Variants in BRIP1 observed in about 807,000 individuals in gnomAD.
BRIP1 encodes Fanconi anemia group J protein.
BRIP1 carries 88 observed loss-of-function variants against 119.7 expected under a neutral mutation model. The ratio of observed to expected loss-of-function variants is 0.74; its 90% CI spans 0.62 to 0.88. BRIP1 has a LOEUF of 0.88. BRIP1 is among the 40% of genes least tolerant of loss of function. The pLI is 0.00. For synonymous variants in BRIP1, 443 were observed against 496.5 expected, an observed-to-expected ratio of 0.89 and a Z score of 1.43; for missense variants, 1,259 against 1,455.4, an observed-to-expected ratio of 0.87 and a Z score of 2.20.
At position 61,754,848 on chromosome 17, in the gene BRIP1, C is replaced by T. The variant is rs939947910; in HGVS notation, c.2098-10257G>A. ...TCTGGTGTCTCTTCTTATAAGAACACTAATCCTATCAGATAAGGAAGGCCC... is the reference window on the plus strand; with the variant it reads ...TCTGGTGTCTCTTCTTATAAGAACATTAATCCTATCAGATAAGGAAGGCCC... On this transcript the variant is annotated intron_variant, in intron 14 of 19. Coordinates refer to ENST00000259008, the MANE Select transcript of BRIP1 (RefSeq NM_032043.3). This position sits in a 1 kb window ranked among gnomAD's most constrained non-coding sequence, Gnocchi z 4.1. Among the ~76,000 whole-genome samples the T allele has an allele frequency of 1.3e-5, 2 of 152,142 alleles. No homozygotes were observed. Among genetic ancestry groups the T allele is most frequent in the Non-Finnish European group, 2.9e-5 (2 of 68,026 alleles).
intron 10 of BRIP1, among the ~76,000 whole-genome samples, chr17:61,784,728 G>T (rs985906498): frequency 6.6e-6 from 1 of 152,090 alleles, no homozygotes; most frequent in Non-Finnish European, 1.5e-5. Flanking sequence ...CTGGTTGTTA[G>T]AAAGAGCCTG....
At chr17:61,833,292 A>G (rs1025901765) in intron 6 of BRIP1, among the ~76,000 whole-genome samples, 10 of 152,330 alleles carry the variant, frequency 6.6e-5, no homozygotes, top group Admixed American at 3.9e-4. Context: ...AGTTCACTCA[A>G]TATGATAAAG....
rs532683816 is a variant in BRIP1 at position 61,716,086 on chromosome 17, A to T, written c.2380-23T>A. The T allele has an allele frequency of 1.6e-4, 211 of 1,354,378 alleles. No homozygotes were observed. Among genetic ancestry groups the T allele is most frequent in the Admixed American group, 8.5e-4 (45 of 53,094 alleles). 83.9% of individuals were successfully genotyped at this position (1,354,378 alleles called of 1,614,324 possible). Reference sequence around the variant, plus strand: ...AACCTAATAATTTTAAAATATATTTAAAAAATTAGTAGATAATTAAAGCTC... The same window carrying T: ...AACCTAATAATTTTAAAATATATTTTAAAAATTAGTAGATAATTAAAGCTC... On this transcript the variant is annotated intron_variant, in intron 16 of 19. Coordinates refer to ENST00000259008, the MANE Select transcript of BRIP1 (RefSeq NM_032043.3).
At position 61,732,851 on chromosome 17, in the gene BRIP1, C is replaced by T. The variant is rs550613623; in HGVS notation, c.2379+10162G>A. 6.6e-5 allele frequency among the ~76,000 whole-genome samples: 10 copies of T among 152,080 alleles called. No homozygotes were observed. The East Asian group carries it at 1.9e-3, about 30-fold the overall frequency. On this transcript the variant is annotated intron_variant, in intron 16 of 19. Coordinates refer to ENST00000259008, the MANE Select transcript of BRIP1 (RefSeq NM_032043.3). Reference sequence around the variant, plus strand: ...GAATTACAGACGTGTGCCACCACACCGGGGCTAATTTTTTGTGTTTTTAGT... The same window carrying T: ...GAATTACAGACGTGTGCCACCACACTGGGGCTAATTTTTTGTGTTTTTAGT...
Position 61,774,334 on chromosome 17 carries a change from G to C in BRIP1, c.2097+2067C>G, listed in dbSNP as rs1048824501. Among the ~76,000 whole-genome samples the C allele has an allele frequency of 6.6e-6, 1 of 152,082 alleles. No individual in the cohort carries two copies. Among genetic ancestry groups the C allele is most frequent in the Non-Finnish European group, 1.5e-5 (1 of 68,024 alleles). On this transcript the variant is annotated intron_variant, in intron 14 of 19. Coordinates refer to ENST00000259008, the MANE Select transcript of BRIP1 (RefSeq NM_032043.3). The surrounding 1 kb of genome is among the most constrained non-coding windows in gnomAD (Gnocchi z 5.8). The stretch of plus-strand genomic sequence containing the variant: ...ATCATTCTCAGCAAACTATCACAAA[G>C]ACAGAAAACCAAACACCGCATGTTC...
rs781622986 is a variant in BRIP1, at chr17:61,684,107, G to A, written c.2939C>T (p.Ala980Val). 1 of 1,613,260 alleles carries A rather than the reference G, an allele frequency of 6.2e-7. No individual in the cohort carries two copies. The highest frequency in any genetic ancestry group is 1.1e-5 in the South Asian group (1 of 90,822). ...GGATCTGGAAATCACAATTTTTTCT[G>A]CTTTCCCTGCTTCTTCCAGGAATAC... is the stretch of plus-strand genomic sequence containing the variant. ...DPVFLEEAGK[A>V]EKIVISRSTS... The change falls in exon 20 of 20, where the codon GCA (alanine) becomes GTA (valine). Residue 980 changes from alanine (A) to valine (V), a missense_variant. Ala to Val is a moderately conservative substitution (Grantham distance 64, BLOSUM62 0). This residue lies in a region of BRIP1 where 753 missense variants were observed against 891.8 expected (regional missense o/e 0.84). Coordinates refer to ENST00000259008, the MANE Select transcript of BRIP1 (RefSeq NM_032043.3). This position sits in a 1 kb window ranked among gnomAD's most constrained non-coding sequence, Gnocchi z 4.5.
Position 61,762,261 on chromosome 17 carries a change from A to C in BRIP1, c.2097+14140T>G, listed in dbSNP as rs1014023809. Among the ~76,000 whole-genome samples the C allele has an allele frequency of 1.3e-5, 2 of 152,142 alleles. No individual in the cohort carries two copies. Among genetic ancestry groups the C allele is most frequent in the Non-Finnish European group, 2.9e-5 (2 of 68,016 alleles). ...TAAAAAAAAACTCAAAATGAATTAAAGATTTAAACCCAAGAACTGAAACTG... is the reference window on the plus strand; with the variant it reads ...TAAAAAAAAACTCAAAATGAATTAACGATTTAAACCCAAGAACTGAAACTG... On this transcript the variant is annotated intron_variant, in intron 14 of 19. Transcript: ENST00000259008. The surrounding 1 kb of genome is among the most constrained non-coding windows in gnomAD (Gnocchi z 4.3).
intron 16 of BRIP1, among the ~76,000 whole-genome samples, chr17:61,716,559 T>C (rs936760585): frequency 4.6e-5 from 7 of 152,118 alleles, no homozygotes; most frequent in African/African-American, 1.7e-4. Context: ...AATATACTTT[T>C]AGAATTCATT....
rs1427442996 is a variant in BRIP1, at chr17:61,861,403, G to A, written c.93+44C>T. On this transcript the variant is annotated intron_variant, in intron 2 of 19. Transcript: ENST00000259008. The surrounding 1 kb of genome is among the most constrained non-coding windows in gnomAD (Gnocchi z 4.5). Reference sequence around the variant, plus strand: ...ACTCAATGTACTTTATGGGTCATAAGTATCTATATCTTAATAAAAACTTAA... The same window carrying A: ...ACTCAATGTACTTTATGGGTCATAAATATCTATATCTTAATAAAAACTTAA... 8.0e-7 allele frequency: 1 copy of A among 1,242,716 alleles called. No homozygotes were observed. Among genetic ancestry groups the A allele is most frequent in the East Asian group, 2.3e-5 (1 of 43,010 alleles). 77.0% of individuals were successfully genotyped at this position (1,242,716 alleles called of 1,614,324 possible).
chr17:61,782,108 G>A (rs1488871061), intron 11 of BRIP1, among the ~76,000 whole-genome samples: 1 of 151,364 alleles, frequency 6.6e-6, no homozygotes, highest in Admixed American at 6.6e-5. Flanking sequence ...AGGGGAGACC[G>A]GGTGCGATGG....
Position 61,809,262 on chromosome 17 carries a change from TAAC to T in BRIP1, c.628-508_628-506del, listed in dbSNP as rs1477098775. Among the ~76,000 whole-genome samples, 10 of 152,276 alleles carry T rather than the reference TAAC, an allele frequency of 6.6e-5. No homozygotes were observed. Among genetic ancestry groups the T allele is most frequent in the African/African-American group, 2.4e-4 (10 of 41,570 alleles). On this transcript the variant is annotated intron_variant, in intron 6 of 19. Coordinates refer to ENST00000259008, the MANE Select transcript of BRIP1 (RefSeq NM_032043.3). The surrounding 1 kb of genome is among the most constrained non-coding windows in gnomAD (Gnocchi z 5.2). ...ATCAAGTTGAATCTAAAGGATCACT[TAAC>T]AACTTCAAAAAGAGAAAATTCTTCT...
At position 61,693,556 on chromosome 17, in the gene BRIP1, A is replaced by G. The variant is rs752903716; in HGVS notation, c.2493-44T>C. The stretch of plus-strand genomic sequence containing the variant: ...AAGTCAAATAATTATAACATCGGAA[A>G]TAAATCCAGTTTTCCAGTGGGACAG... On this transcript the variant is annotated intron_variant, in intron 17 of 19. Coordinates refer to ENST00000259008, the MANE Select transcript of BRIP1 (RefSeq NM_032043.3). The surrounding 1 kb of genome is among the most constrained non-coding windows in gnomAD (Gnocchi z 4.2). The G allele has an allele frequency of 9.9e-6, 15 of 1,515,692 alleles. No individual in the cohort carries two copies. Among genetic ancestry groups the G allele is most frequent in the Non-Finnish European group, 1.2e-5 (13 of 1,091,670 alleles). 93.9% of individuals were successfully genotyped at this position (1,515,692 alleles called of 1,614,324 possible).
At position 61,809,240 on chromosome 17, in the gene BRIP1, A is replaced by C. The variant is rs1267788112; in HGVS notation, c.628-483T>G. 1.3e-5 allele frequency among the ~76,000 whole-genome samples: 2 copies of C among 152,204 alleles called. No individual in the cohort carries two copies. The highest frequency in any genetic ancestry group is 4.8e-5 in the African/African-American group (2 of 41,470). ...TAGTTTACAAAAGAATAGAATTATC[A>C]AGTTGAATCTAAAGGATCACTTAAC... On this transcript the variant is annotated intron_variant, in intron 6 of 19. Coordinates refer to ENST00000259008, the MANE Select transcript of BRIP1 (RefSeq NM_032043.3). This position sits in a 1 kb window ranked among gnomAD's most constrained non-coding sequence, Gnocchi z 5.2.
rs878855153 is a variant in BRIP1, at chr17:61,683,847, A to T, written c.3199T>A (p.Cys1067Ser). 1.9e-5 allele frequency: 31 copies of T among 1,614,190 alleles called. No individual in the cohort carries two copies. The highest frequency in any genetic ancestry group is 2.6e-5 in the Non-Finnish European group (31 of 1,180,024). Residue 1067 changes from cysteine to serine, a missense_variant, in exon 20 of 20, where the codon TGC becomes AGC. Transcript: ENST00000259008. This position sits in a 1 kb window ranked among gnomAD's most constrained non-coding sequence, Gnocchi z 4.7. ...NLTVNTSFGS[C>S]PQSETIISSL... ...GAAATAATGGTTTCTGATTGAGGGC[A>T]TGATCCAAACGATGTGTTTACTGTC...
intron 10 of BRIP1, among the ~76,000 whole-genome samples, chr17:61,787,830 G>C (rs546180760): frequency 1.3e-5 from 2 of 152,128 alleles, no homozygotes; most frequent in East Asian, 3.9e-4. Context: ...ATTTTTAGTA[G>C]AGACGGGGTT....
In BRIP1 at chr17:61,739,698, A is replaced by G. The variant is rs2076962072; in HGVS notation, c.2379+3315T>C. ...CTAATGAAAGAACTCCTGCTTTGGT[A>G]TGAGACCCTAACTGACTGTATCCTA... On this transcript the variant is annotated intron_variant, in intron 16 of 19. Transcript: ENST00000259008. This position sits in a 1 kb window ranked among gnomAD's most constrained non-coding sequence, Gnocchi z 6.0. 1.3e-5 allele frequency among the ~76,000 whole-genome samples: 2 copies of G among 152,334 alleles called. No homozygotes were observed. Among genetic ancestry groups the G allele is most frequent in the East Asian group, 1.9e-4 (1 of 5,188 alleles).
At chr17:61,787,212 AAT>A (rs1475219086) in intron 10 of BRIP1, among the ~76,000 whole-genome samples, 1 of 50,122 alleles carries the variant, frequency 2.0e-5, no homozygotes, top group Non-Finnish European at 3.3e-5. Flanking sequence ...AATATATAAA[AAT>A]ATATTATATA....
Position 61,808,495 on chromosome 17 carries a change from T to G in BRIP1, c.890A>C (p.Lys297Thr), listed in dbSNP as rs28997570. Residue 297 changes from lysine (K) to threonine (T), a missense_variant, in exon 7 of 20, where the codon AAG becomes ACG. Around this residue, in one of 3 missense-constraint regions of BRIP1, gnomAD observed 501 missense variants for 544.0 expected, o/e 0.92. Coordinates refer to ENST00000259008, the MANE Select transcript of BRIP1 (RefSeq NM_032043.3). This position sits in a 1 kb window ranked among gnomAD's most constrained non-coding sequence, Gnocchi z 4.1. ...TTTCCCATCTAGCAATTCCATGCAC[T>G]TCTCATTTCTGTTGAAGTTACCGAC... ...EVVGNFNRNE[K>T]CMELLDGKNG... The G allele has an allele frequency of 1.2e-6, 2 of 1,613,824 alleles. No homozygotes were observed. The highest frequency in any genetic ancestry group is 1.6e-4 in the Middle Eastern group (1 of 6,062).
chr17:61,774,001 G>C lies in BRIP1; in HGVS notation c.2097+2400C>G, dbSNP rs997832983. On this transcript the variant is annotated intron_variant, in intron 14 of 19. Transcript: ENST00000259008. The surrounding 1 kb of genome is among the most constrained non-coding windows in gnomAD (Gnocchi z 5.8). ...ACACTGTTGGTGGGAGTATAAATTA[G>C]TTCAACCATTGTGGAAGACAGTGTG... 3.3e-5 allele frequency among the ~76,000 whole-genome samples: 5 copies of C among 152,180 alleles called. No homozygotes were observed. The highest frequency in any genetic ancestry group is 3.3e-4 in the Admixed American group (5 of 15,276).
Sources: gnomAD v4.1 joint callset for allele counts (sites outside exome capture counted in the v4.1 genomes callset) on GRCh38, gnomAD v4.1.1 for gene constraint, gnomAD v4.1.1 regional missense constraint, Gnocchi (gnomAD v3.1) non-coding constraint, MANE v1.5 for transcripts, NCBI Gene and HGNC (gene_info 2026-07-23, HGNC 2026-07-21) for gene names.